BBS9: variants seen among roughly 807,000 people sequenced by gnomAD.
The protein encoded by BBS9 is protein PTHB1.
In BBS9, 89 loss-of-function variants were observed where a neutral mutation model predicts 117.7. That is an observed-to-expected ratio of 0.76 (90% confidence interval 0.64 to 0.90). The LOEUF is 0.90. BBS9 is among the 40% of genes least tolerant of loss of function. BBS9 has a pLI of 0.00. For missense variants in BBS9, 982 were observed against 1,042.2 expected, an observed-to-expected ratio of 0.94 and a Z score of 0.80; for synonymous variants, 379 against 370.9, an observed-to-expected ratio of 1.02 and a Z score of -0.25.
intron 21 of BBS9, among the ~76,000 whole-genome samples, chr7:33,628,071 T>C (rs1261844454): frequency 1.3e-5 from 2 of 152,162 alleles, no homozygotes; most frequent in African/African-American, 4.8e-5. Flanking sequence ...GCAAATTCAC[T>C]GGAGAATTTT....
At chr7:33,276,253 A>C (rs79168936) in intron 9 of BBS9, among the ~76,000 whole-genome samples, 1,854 of 152,342 alleles carry the variant, frequency 0.012, 23 homozygotes, top group Non-Finnish European at 0.018. Flanking sequence ...AGACTCAATT[A>C]ACATAAAGTT....
chr7:33,511,228 T>G (rs888402708), intron 20 of BBS9, among the ~76,000 whole-genome samples: 7 of 152,206 alleles, frequency 4.6e-5, no homozygotes, highest in African/African-American at 1.7e-4. Flanking sequence ...CTTCCTGATC[T>G]CTGTACAAAT....
At chr7:33,166,062 T>G (rs1795629844) in intron 4 of BBS9, among the ~76,000 whole-genome samples, 1 of 152,260 alleles carries the variant, frequency 6.6e-6, no homozygotes, top group Non-Finnish European at 1.5e-5. Context: ...TATTCCTTTT[T>G]GTTTGTTAGT....
chr7:33,298,549 T>C (rs923673909), intron 9 of BBS9, among the ~76,000 whole-genome samples: 3 of 152,194 alleles, frequency 2.0e-5, no homozygotes, highest in African/African-American at 7.2e-5. Context: ...CCTTTAAGAA[T>C]GATAGTTGTT....
At chr7:33,609,772 C>T, downstream of BBS9, among the ~76,000 whole-genome samples, 1 of 152,128 alleles carries the variant, frequency 6.6e-6, no homozygotes, top group East Asian at 1.9e-4. Flanking sequence ...CCACACCTTC[C>T]TCTTATGACA....
intron 19 of BBS9, among the ~76,000 whole-genome samples, chr7:33,480,482 T>G (rs544852514): frequency 6.6e-6 from 1 of 152,164 alleles, no homozygotes; most frequent in Non-Finnish European, 1.5e-5. Flanking sequence ...GCAGAGGAAT[T>G]CTGATCTGGG....
intron 19 of BBS9, among the ~76,000 whole-genome samples, chr7:33,473,042 C>T (rs111906092): frequency 8.5e-5 from 13 of 152,228 alleles, no homozygotes; most frequent in African/African-American, 1.9e-4. Context: ...ATGGCCCTGC[C>T]GAGCTCCAGC....
intron 5 of BBS9, among the ~76,000 whole-genome samples, chr7:33,181,927 C>G (rs1798156083): frequency 6.6e-6 from 1 of 152,084 alleles, no homozygotes; most frequent in East Asian, 1.9e-4. Context: ...ACTAAAAATA[C>G]AAAAACAAAA....
At chr7:33,388,289 A>G in intron 19 of BBS9, 145 bp downstream of exon 19, 1 of 1,016,394 alleles carries the variant, frequency 9.8e-7, no homozygotes, top group South Asian at 1.6e-5. Context: ...TTAGAGTCAG[A>G]AAAACCTAGG....
At chr7:33,557,086 C>T (rs1855403621) in intron 21 of BBS9, among the ~76,000 whole-genome samples, 1 of 152,066 alleles carries the variant, frequency 6.6e-6, no homozygotes, top group South Asian at 2.1e-4. Flanking sequence ...CTTTCCTCTC[C>T]CTGGCTTCAG....
At chr7:33,491,185 C>G (rs1288612625) in intron 19 of BBS9, among the ~76,000 whole-genome samples, 3 of 152,158 alleles carry the variant, frequency 2.0e-5, no homozygotes, top group Non-Finnish European at 4.4e-5. Flanking sequence ...GATGAAGACA[C>G]TGGGAGGTAT....
chr7:33,339,329 G>A (rs1024779214), intron 10 of BBS9, among the ~76,000 whole-genome samples: 11 of 152,132 alleles, frequency 7.2e-5, no homozygotes, highest in African/African-American at 2.7e-4. Context: ...GCCACTCCAA[G>A]CTGCAAAACT....
chr7:33,581,895 CT>C (rs1183332274), intron 21 of BBS9, among the ~76,000 whole-genome samples: 20 of 151,624 alleles, frequency 1.3e-4, no homozygotes, highest in East Asian at 5.8e-4. Context: ...CTAATGTACT[CT>C]TTTTTTTTCT....
At chr7:33,412,501 C>G (rs1831329077) in intron 19 of BBS9, among the ~76,000 whole-genome samples, 1 of 152,186 alleles carries the variant, frequency 6.6e-6, no homozygotes, top group South Asian at 2.1e-4. Context: ...ATGAGATATG[C>G]ACTTTACAAC....
At chr7:33,494,166 T>A (rs1427652018) in intron 19 of BBS9, among the ~76,000 whole-genome samples, 2 of 152,092 alleles carry the variant, frequency 1.3e-5, no homozygotes, top group Non-Finnish European at 2.9e-5. Flanking sequence ...CATTTGACAA[T>A]GTCCGGAGAC....
At chr7:33,619,683 C>T (rs1298656261) in intron 21 of BBS9, among the ~76,000 whole-genome samples, 2 of 152,022 alleles carry the variant, frequency 1.3e-5, no homozygotes, top group Non-Finnish European at 2.9e-5. Flanking sequence ...TGCTATGAAA[C>T]TATAATAACA....
At chr7:33,330,902 C>T (rs749624739) in intron 9 of BBS9, among the ~76,000 whole-genome samples, 21 of 152,248 alleles carry the variant, frequency 1.4e-4, no homozygotes, top group Middle Eastern at 3.4e-3. Context: ...ATAGGGTACA[C>T]GGTATTGGAT....
At chr7:33,195,733 T>TTA (rs33936377) in intron 5 of BBS9, among the ~76,000 whole-genome samples, 1 of 4,396 alleles carries the variant, frequency 2.3e-4, no homozygotes, top group Non-Finnish European at 5.8e-4. Flanking sequence ...TGTAACACTT[T>TTA]TCTCTCTGTG....
At chr7:33,461,258 G>A (rs1839429981) in intron 19 of BBS9, among the ~76,000 whole-genome samples, 1 of 151,926 alleles carries the variant, frequency 6.6e-6, no homozygotes, top group South Asian at 2.1e-4. Flanking sequence ...AAGTAGGGTT[G>A]TGGGATCATA....
Sources: gnomAD v4.1 joint callset for allele counts (sites outside exome capture counted in the v4.1 genomes callset) on GRCh38, gnomAD v4.1.1 for gene constraint, MANE v1.5 for transcripts, NCBI Gene and HGNC (gene_info 2026-07-23, HGNC 2026-07-21) for gene names.